ZFHX3: variants seen among roughly 807,000 people sequenced by gnomAD.
ZFHX3 encodes zinc finger homeobox protein 3.
ZFHX3 carries 42 observed loss-of-function variants against 279.1 expected under a neutral mutation model. The ratio of observed to expected loss-of-function variants is 0.15; its 90% confidence interval spans 0.12 to 0.19. The LOEUF is 0.19. Ranked by LOEUF, ZFHX3 falls within the 10% of genes least tolerant of loss-of-function variation. The pLI is 1.00. For missense variants in ZFHX3, 4,981 were observed against 4,754.0 expected (o/e 1.05, Z -1.40); for synonymous variants, 2,293 against 1,957.8 (o/e 1.17, Z -4.52).
chr16:72,958,847 G>A lies in ZFHX3; in HGVS notation c.1299C>T (p.Gly433=), dbSNP rs151029785. Residue 433 remains glycine, a synonymous_variant, in exon 2 of 10, where the codon GGC becomes GGT. Coordinates refer to ENST00000268489, the MANE Select transcript of ZFHX3 (RefSeq NM_006885.4). ...CTCCTTCTGCCGCCCCAGAGTCCTTGCCCTCTGAGGATTTGGTAGGACTGG... is the reference window on the plus strand; with the variant it reads ...CTCCTTCTGCCGCCCCAGAGTCCTTACCCTCTGAGGATTTGGTAGGACTGG... ...LASSPTKSSE[G]KDSGAAEGEK... The A allele has an allele frequency of 8.1e-6, 13 of 1,613,772 alleles. No individual in the cohort carries two copies. The African/African-American group carries it at 1.3e-4, about 17-fold the overall frequency.
chr16:73,589,913 C>T (rs964980382), intron 2 of ZFHX3, among the ~76,000 whole-genome samples: 2 of 152,038 alleles, frequency 1.3e-5, no homozygotes, highest in African/African-American at 2.4e-5. Context: ...AACATTATCT[C>T]TCAGAGAAGA....
At chr16:73,761,012 G>T (rs1018169050) in intron 1 of ZFHX3, among the ~76,000 whole-genome samples, 3 of 149,358 alleles carry the variant, frequency 2.0e-5, no homozygotes, top group African/African-American at 7.4e-5. Context: ...AAAAAAAAAG[G>T]GTATTAAAAG....
intron 2 of ZFHX3, among the ~76,000 whole-genome samples, chr16:73,624,354 C>T (rs769216767): frequency 2.0e-5 from 3 of 151,904 alleles, no homozygotes; most frequent in East Asian, 1.9e-4. Flanking sequence ...ATTTCATTGC[C>T]GTTATCGTGA....
At chr16:73,338,870 C>T (rs371453312) in intron 3 of ZFHX3, among the ~76,000 whole-genome samples, 1 of 152,118 alleles carries the variant, frequency 6.6e-6, no homozygotes, top group East Asian at 1.9e-4. Context: ...GTGCTGTCCT[C>T]GCCATAGTGG....
chr16:73,003,672 C>T lies in ZFHX3; in HGVS notation c.-49-43478G>A, dbSNP rs570847195. Among the ~76,000 whole-genome samples, 3 of 152,216 alleles carry T rather than the reference C, an allele frequency of 2.0e-5. No individual in the cohort carries two copies. The East Asian group carries it at 5.8e-4, about 29-fold the overall frequency. On this transcript the variant is annotated intron_variant, in intron 1 of 9. Transcript: ENST00000268489. ...AGTAAGCTGAGACTGCACTACTGCACTCCAGCCTGGACGAAACAGCGAGAC... is the reference window on the plus strand; with the variant it reads ...AGTAAGCTGAGACTGCACTACTGCATTCCAGCCTGGACGAAACAGCGAGAC...
intron 1 of ZFHX3, among the ~76,000 whole-genome samples, chr16:73,751,274 C>G (rs1712150841): frequency 6.6e-6 from 1 of 152,164 alleles, no homozygotes; most frequent in South Asian, 2.1e-4. Context: ...TGCCCATACT[C>G]TATTTGGCAC....
At chr16:73,656,865 G>C (rs1468008335) in intron 2 of ZFHX3, among the ~76,000 whole-genome samples, 1 of 152,116 alleles carries the variant, frequency 6.6e-6, no homozygotes, top group Non-Finnish European at 1.5e-5. Context: ...GTTAAGAACA[G>C]CCAATGCAAA....
At chr16:73,062,580 T>C (rs1015486571), upstream of ZFHX3, among the ~76,000 whole-genome samples, 6 of 152,156 alleles carry the variant, frequency 3.9e-5, no homozygotes, top group Non-Finnish European at 7.3e-5. Context: ...GAGCAGCTAT[T>C]ATTTGGTCCA....
chr16:73,443,357 CAG>C (rs761509410), intron 3 of ZFHX3, among the ~76,000 whole-genome samples: 22 of 152,202 alleles, frequency 1.4e-4, no homozygotes, highest in Non-Finnish European at 2.8e-4. Flanking sequence ...AATTCCCACT[CAG>C]AGAATAATCA....
At chr16:73,800,735 C>G (rs1960122165) in intron 1 of ZFHX3, among the ~76,000 whole-genome samples, 1 of 152,126 alleles carries the variant, frequency 6.6e-6, no homozygotes, top group South Asian at 2.1e-4. Flanking sequence ...TTGAGCTGCC[C>G]AACTCCATCT....
At chr16:73,844,007 A>T (rs1195404098) in intron 1 of ZFHX3, among the ~76,000 whole-genome samples, 1 of 152,200 alleles carries the variant, frequency 6.6e-6, no homozygotes, top group East Asian at 1.9e-4. Flanking sequence ...AGGCCATACA[A>T]AATTAGGCAG....
At position 73,033,949 on chromosome 16, in the gene ZFHX3, G is replaced by A. The variant is rs549740310; in HGVS notation, c.-50+13803C>T. Among the ~76,000 whole-genome samples, 9 of 152,242 alleles carry A rather than the reference G, an allele frequency of 5.9e-5. No homozygotes were observed. In the South Asian group the frequency reaches 1.9e-3, roughly 32 times the overall value. Reference sequence around the variant, plus strand: ...CATCTGAAAGCAGCATCTTCTCTAGGGTACATTTCACAGTGGCGCTTTCTG... The same window carrying A: ...CATCTGAAAGCAGCATCTTCTCTAGAGTACATTTCACAGTGGCGCTTTCTG... On this transcript the variant is annotated intron_variant, in intron 1 of 9. Transcript: ENST00000268489.
At chr16:73,052,775 C>A (rs181492924), upstream of ZFHX3, among the ~76,000 whole-genome samples, 13 of 152,266 alleles carry the variant, frequency 8.5e-5, no homozygotes, top group Admixed American at 3.9e-4. Flanking sequence ...TCTGTCTCCC[C>A]GGAGCAATTG....
intron 1 of ZFHX3, among the ~76,000 whole-genome samples, chr16:73,843,259 C>T (rs1343485295): frequency 6.6e-6 from 1 of 152,190 alleles, no homozygotes. Context: ...ACAAGTCAAT[C>T]ACGCCAATAG....
intron 1 of ZFHX3, among the ~76,000 whole-genome samples, chr16:73,755,891 T>G (rs780362735): frequency 2.0e-5 from 3 of 152,210 alleles, no homozygotes; most frequent in African/African-American, 4.8e-5. Context: ...GTGGAACTTG[T>G]CATCAGCGAG....
intron 1 of ZFHX3, among the ~76,000 whole-genome samples, chr16:73,818,000 G>C (rs1960626531): frequency 1.3e-5 from 2 of 152,188 alleles, no homozygotes; most frequent in Non-Finnish European, 2.9e-5. Context: ...ATTAATAAAA[G>C]TGTGACTTAT....
chr16:73,493,098 G>C (rs756069253), intron 2 of ZFHX3, among the ~76,000 whole-genome samples: 9 of 151,252 alleles, frequency 6.0e-5, no homozygotes, highest in African/African-American at 2.2e-4. Context: ...AAGTCTGCCC[G>C]TATCCACCTC....
chr16:73,694,055 G>C (rs569516315), intron 1 of ZFHX3, among the ~76,000 whole-genome samples: 6 of 151,682 alleles, frequency 4.0e-5, no homozygotes, highest in African/African-American at 1.4e-4. Flanking sequence ...AGGCACAGTG[G>C]CTCATGCCTG....
chr16:73,438,443 A>G, intron 3 of ZFHX3, among the ~76,000 whole-genome samples: 1 of 152,226 alleles, frequency 6.6e-6, no homozygotes, highest in East Asian at 1.9e-4. Flanking sequence ...CAAAAATCAG[A>G]AAGAGAGAGC....
Sources: gnomAD v4.1 joint callset for allele counts (sites outside exome capture counted in the v4.1 genomes callset) on GRCh38, gnomAD v4.1.1 for gene constraint, MANE v1.5 for transcripts, NCBI Gene and HGNC (gene_info 2026-07-23, HGNC 2026-07-21) for gene names.